Variants in MTA3 observed in about 807,000 individuals in gnomAD.
The protein encoded by MTA3 is metastasis associated 1 family member 3.
In MTA3, 34 loss-of-function variants were observed where a neutral mutation model predicts 83.5. The ratio of observed to expected loss-of-function variants is 0.41; its 90% CI spans 0.31 to 0.54. The LOEUF is 0.54. Among genes scored for constraint, MTA3 ranks in the 20% least tolerant of loss-of-function variants. The pLI is 0.33. For synonymous variants in MTA3, 303 were observed against 252.7 expected (o/e 1.20, Z -1.89); for missense variants, 761 against 726.4 (o/e 1.05, Z -0.55).
At chr2:42,530,501 A>T (rs571878247) in intron 2 of MTA3, among the ~76,000 whole-genome samples, 1 of 141,676 alleles carries the variant, frequency 7.1e-6, no homozygotes, top group East Asian at 2.1e-4. Flanking sequence ...GAAAAAAAAA[A>T]GGGCTGGGAG....
intron 8 of MTA3, among the ~76,000 whole-genome samples, chr2:42,662,168 A>G (rs897800848): frequency 6.6e-6 from 1 of 152,108 alleles, no homozygotes; most frequent in Non-Finnish European, 1.5e-5. Context: ...ATATAATACT[A>G]CACAACATTA....
At chr2:42,691,359 GAA>G (rs1692882540) in intron 9 of MTA3, among the ~76,000 whole-genome samples, 1 of 152,010 alleles carries the variant, frequency 6.6e-6, no homozygotes, top group Non-Finnish European at 1.5e-5. Context: ...TCACCTCTTA[GAA>G]CATCGTACAC....
chr2:42,651,453 T>G (rs1023032933), intron 6 of MTA3, among the ~76,000 whole-genome samples: 2 of 152,174 alleles, frequency 1.3e-5, no homozygotes, highest in Non-Finnish European at 2.9e-5. Flanking sequence ...AAGAGCCAGA[T>G]GATGGAAGTT....
intron 16 of MTA3, among the ~76,000 whole-genome samples, chr2:42,745,674 C>T (rs7566013): frequency 0.031 from 4,707 of 152,166 alleles, 255 homozygotes; most frequent in African/African-American, 0.11. Context: ...ATATGAGCCA[C>T]TGCACCCAGC....
chr2:42,667,868 A>G (rs1020363677), intron 8 of MTA3, among the ~76,000 whole-genome samples: 6 of 152,148 alleles, frequency 3.9e-5, no homozygotes, highest in South Asian at 2.1e-4. Flanking sequence ...ATCAGTGGCC[A>G]CTTGAGTTGC....
In MTA3 at chr2:42,544,492, A is replaced by G. The variant is rs557474874; in HGVS notation, c.-140-25945A>G. On this transcript the variant is annotated intron_variant, in intron 2 of 17. Transcript: ENST00000405592. Reference sequence around the variant, plus strand: ...CAAAAACAAAAAAAAAAACATAGTTATAGTCATGCTTTGATGTACTTAGGC... The same window carrying G: ...CAAAAACAAAAAAAAAAACATAGTTGTAGTCATGCTTTGATGTACTTAGGC... 5.9e-5 allele frequency among the ~76,000 whole-genome samples: 9 copies of G among 151,768 alleles called. No homozygotes were observed. The South Asian group carries it at 1.7e-3, about 28-fold the overall frequency.
At chr2:42,657,123 T>C (rs905434073) in intron 7 of MTA3, among the ~76,000 whole-genome samples, 5 of 152,252 alleles carry the variant, frequency 3.3e-5, no homozygotes, top group African/African-American at 1.2e-4. Context: ...ATAATATTTA[T>C]TTTTTAAAAG....
At chr2:42,519,497 T>C (rs1049216968) in intron 2 of MTA3, among the ~76,000 whole-genome samples, 6 of 151,940 alleles carry the variant, frequency 3.9e-5, no homozygotes, top group Non-Finnish European at 8.8e-5. Context: ...TCCCAACTAC[T>C]TGGGAAACTG....
chr2:42,754,881 G>T lies in MTA3; in HGVS notation c.*1482G>T, dbSNP rs569841074. 5 of 985,630 alleles carry T rather than the reference G, an allele frequency of 5.1e-6. No homozygotes were observed. The East Asian group carries it at 3.4e-4, about 67-fold the overall frequency. The allele number at this position is 985,630 out of a possible 1,614,324, so 61.1% of individuals were successfully genotyped here. A position where few individuals can be genotyped will look rare whatever the true frequency, so the allele number is the denominator to read the frequency against. On this transcript the variant is annotated 3_prime_UTR_variant, in exon 17 of 17. Coordinates refer to ENST00000405094, the MANE Select transcript of MTA3 (RefSeq NM_001330442.2). ...GCAGAGAGAGCGTGCTGTGTGAGGT[G>T]GAGGGCGGTTTTGCAGACATCTCAG...
At chr2:42,663,534 G>A (rs1308854477) in intron 8 of MTA3, among the ~76,000 whole-genome samples, 1 of 152,206 alleles carries the variant, frequency 6.6e-6, no homozygotes, top group African/African-American at 2.4e-5. Flanking sequence ...GCTGAGGCAG[G>A]ATGATCACTT....
chr2:42,754,199 A>C lies in MTA3; in HGVS notation c.*800A>C, dbSNP rs1391652855. 1 of 985,384 alleles carries C rather than the reference A, an allele frequency of 1.0e-6. No individual in the cohort carries two copies. The highest frequency in any genetic ancestry group is 1.7e-5 in the African/African-American group (1 of 57,236). The allele number at this position is 985,384 out of a possible 1,614,324, so 61.0% of individuals were successfully genotyped here. A position where few individuals can be genotyped will look rare whatever the true frequency, so the allele number is the denominator to read the frequency against. On this transcript the variant is annotated 3_prime_UTR_variant, in exon 17 of 17. Transcript: ENST00000405094. ...TATCACTGTGACAAGCCGTTTGCTT[A>C]CTGCCCTGTTCCCTTGCAGCCAAAC...
chr2:42,525,497 T>TCCTTCCTTCCCCTTCCTTTCTTC (rs1675651830), intron 2 of MTA3, among the ~76,000 whole-genome samples: 1 of 147,632 alleles, frequency 6.8e-6, no homozygotes, highest in Non-Finnish European at 1.5e-5. Flanking sequence ...CTTCCTTCCT[T>TCCTTCCTTCCCCTTCCTTTCTTC]CCTTCCTTCC....
intron 8 of MTA3, among the ~76,000 whole-genome samples, chr2:42,673,747 G>A (rs777303793): frequency 3.4e-4 from 52 of 152,150 alleles, no homozygotes; most frequent in Non-Finnish European, 7.5e-4. Context: ...CCCAAATCAG[G>A]GTGAAAAGCT....
chr2:42,695,940 C>A, intron 10 of MTA3, 101 bp downstream of exon 10: 3 of 709,594 alleles, frequency 4.2e-6, no homozygotes, highest in South Asian at 2.1e-5. Flanking sequence ...AATTTGTTTA[C>A]CTTACTTTTT....
At chr2:42,577,681 A>T (rs754958591) in intron 2 of MTA3, among the ~76,000 whole-genome samples, 2 of 151,942 alleles carry the variant, frequency 1.3e-5, no homozygotes, top group African/African-American at 4.8e-5. Flanking sequence ...GGGTTTTACT[A>T]TGTTGGCCAG....
intron 3 of MTA3, among the ~76,000 whole-genome samples, chr2:42,605,775 C>T (rs1400519226): frequency 8.2e-6 from 1 of 122,108 alleles, no homozygotes; most frequent in East Asian, 2.6e-4. Context: ...TCCTCACTTC[C>T]CAGAAGGGGC....
At chr2:42,547,597 C>G (rs1297980974) in intron 2 of MTA3, among the ~76,000 whole-genome samples, 1 of 152,244 alleles carries the variant, frequency 6.6e-6, no homozygotes, top group Non-Finnish European at 1.5e-5. Flanking sequence ...TCTCAAAGCG[C>G]TGGGATTACA....
At chr2:42,531,501 A>G (rs1016299258) in intron 2 of MTA3, among the ~76,000 whole-genome samples, 11 of 121,990 alleles carry the variant, frequency 9.0e-5, no homozygotes, top group Middle Eastern at 8.9e-3. Flanking sequence ...CGCCCAGGCT[A>G]GAGTGCAGTG....
chr2:42,518,767 A>G (rs1675274722), intron 2 of MTA3, among the ~76,000 whole-genome samples: 1 of 151,932 alleles, frequency 6.6e-6, no homozygotes, highest in Non-Finnish European at 1.5e-5. Flanking sequence ...GGAGTTCAAG[A>G]CCAACCTGGG....
Sources: gnomAD v4.1 joint callset for allele counts (sites outside exome capture counted in the v4.1 genomes callset) on GRCh38, gnomAD v4.1.1 for gene constraint, MANE v1.5 for transcripts, NCBI Gene and HGNC (gene_info 2026-07-23, HGNC 2026-07-21) for gene names.